Variants in HLA-F observed in about 807,000 individuals in gnomAD.
HLA-F encodes the protein HLA class I histocompatibility antigen, alpha chain F.
In HLA-F, 46 loss-of-function variants were observed where a neutral mutation model predicts 49.5. The observed-to-expected ratio is 0.93, with a 90% CI of 0.73 to 1.19. HLA-F has a LOEUF of 1.19. Ranked by LOEUF, HLA-F falls within the 50% of genes most tolerant of loss-of-function variation. The pLI is 0.00. For synonymous variants in HLA-F, 203 were observed against 233.5 expected, an observed-to-expected ratio of 0.87 and a Z score of 1.19; for missense variants, 496 against 579.6, an observed-to-expected ratio of 0.86 and a Z score of 1.48.
Position 29,723,530 on chromosome 6 carries a change from GAGTGCGGGGTCCA to G in HLA-F, c.64+4_64+16del, listed in dbSNP as rs772013222. ...GGCCCTGACCGATACTTGGGCGGGTGAGTGCGGGGTCCAGAGAGAAACGGCCTCTGTGGGGAGG... is the reference window on the plus strand; with the variant it reads ...GGCCCTGACCGATACTTGGGCGGGTGGAGAGAAACGGCCTCTGTGGGGAGG... On this transcript the variant is annotated splice_donor_5th_base_variant and intron_variant, in intron 1 of 6. Transcript: ENST00000259951. The G allele has an allele frequency of 1.9e-5, 30 of 1,611,744 alleles. No individual in the cohort carries two copies. Among genetic ancestry groups the G allele is most frequent in the Non-Finnish European group, 2.5e-5 (30 of 1,179,566 alleles).
intron 5 of HLA-F, among the ~76,000 whole-genome samples, 172 bp from the exon 6 acceptor site, chr6:29,725,839 G>A (rs980575280): frequency 5.3e-5 from 8 of 152,212 alleles, no homozygotes; most frequent in African/African-American, 1.7e-4. Flanking sequence ...GACCTCAGGA[G>A]GGCAGTTGGT....
chr6:29,728,310 C>G, downstream of HLA-F: 1 of 354,482 alleles, frequency 2.8e-6, no homozygotes, highest in Non-Finnish European at 5.6e-6. Context: ...TTCCCTGGAG[C>G]TCCATCTGTA....
rs1362463388 is a variant in HLA-F, at chr6:29,724,222, A to C, written c.384A>C (p.Gly128=). 1.2e-6 allele frequency: 2 copies of C among 1,612,874 alleles called. No homozygotes were observed. The highest frequency in any genetic ancestry group is 1.7e-6 in the Non-Finnish European group (2 of 1,179,962). Residue 128 remains glycine (G), a synonymous_variant, in exon 3 of 7, where the codon GGA becomes GGC. Transcript: ENST00000259951. ...ATGGCTGCGACATGGGGCCCGACGG[A>C]CGCCTCCTCCGCGGGTATCACCAGC... ...GMNGCDMGPD[G]RLLRGYHQHA...
At position 29,725,512 on chromosome 6, in the gene HLA-F, G is replaced by A. The variant is rs1279142592; in HGVS notation, c.952G>A (p.Val318Met). Residue 318 changes from valine to methionine, a missense_variant, in exon 5 of 7, where the codon GTG (valine) becomes ATG (methionine). Transcript: ENST00000259951. ...TGCTGGCCTTGTTGTCCTTGGAGCT[G>A]TGGTCACTGGAGCTGTGGTCGCTGC... ...IVAGLVVLGA[V>M]VTGAVVAAVM... 7 of 1,613,962 alleles carry A rather than the reference G, an allele frequency of 4.3e-6. No homozygotes were observed. In the African/African-American group the frequency reaches 5.3e-5, roughly 12 times the overall value.
rs1775893001 is a variant in HLA-F at position 29,725,195 on chromosome 6, G to A, written c.775G>A (p.Asp259Asn). Reference protein sequence around the residue: ...TELVETRPAGDGTFQKWAAVV... With the variant: ...TELVETRPAGNGTFQKWAAVV... ...GCTTGTGGAGACCAGGCCTGCAGGGGATGGAACCTTCCAGAAGTGGGCCGC... is the reference window on the plus strand; with the variant it reads ...GCTTGTGGAGACCAGGCCTGCAGGGAATGGAACCTTCCAGAAGTGGGCCGC... The change falls in exon 4 of 7, where the codon GAT becomes AAT. Residue 259 changes from aspartate (D) to asparagine (N), a missense_variant. Asp to Asn is a conservative substitution (Grantham distance 23, BLOSUM62 1). Coordinates refer to ENST00000259951, the MANE Select transcript of HLA-F (RefSeq NM_001098479.2). 6.2e-7 allele frequency: 1 copy of A among 1,614,162 alleles called. No homozygotes were observed. The highest frequency in any genetic ancestry group is 8.5e-7 in the Non-Finnish European group (1 of 1,180,038).
In HLA-F at chr6:29,725,266, G is replaced by A. The variant is rs1203095560; in HGVS notation, c.846G>A (p.Val282=). ...PGEEQRYTCH[V]QHEGLPQPLI... ...AGGAACAGAGATACACATGCCATGT[G>A]CAGCACGAGGGGCTGCCCCAGCCCC... Residue 282 remains valine, a synonymous_variant, in exon 4 of 7, where the codon GTG becomes GTA. Coordinates refer to ENST00000259951, the MANE Select transcript of HLA-F (RefSeq NM_001098479.2). The A allele has an allele frequency of 3.7e-6, 6 of 1,614,090 alleles. No homozygotes were observed. In the African/African-American group the frequency reaches 5.3e-5, roughly 14 times the overall value.
At chr6:29,724,866 A>G (rs1275717022) in intron 3 of HLA-F, among the ~76,000 whole-genome samples, 165 bp from the exon 4 acceptor site, 1 of 152,118 alleles carries the variant, frequency 6.6e-6, no homozygotes, top group Non-Finnish European at 1.5e-5. Context: ...CTAACTTTCC[A>G]AGGAATAGGA....
At chr6:29,727,780 A>G (rs1242399684), downstream of HLA-F, among the ~76,000 whole-genome samples, 1 of 152,078 alleles carries the variant, frequency 6.6e-6, no homozygotes, top group Non-Finnish European at 1.5e-5. Context: ...ATATTCTGGC[A>G]ATAGGAGGTT....
chr6:29,724,479 TC>T lies in HLA-F; in HGVS notation c.610+33del, dbSNP rs751572917. 3 of 1,605,358 alleles carry T rather than the reference TC, an allele frequency of 1.9e-6. No individual in the cohort carries two copies. In the South Asian group the frequency reaches 3.3e-5, roughly 18 times the overall value. On this transcript the variant is annotated intron_variant, in intron 3 of 6. Transcript: ENST00000259951. The stretch of plus-strand genomic sequence containing the variant: ...AGGGGCCATGGGCGCCTTCCCTATC[TC>T]CTGTAGATCTCTTGGGATGGCCTCG...
At chr6:29,730,416 A>C (rs1400467915), downstream of HLA-F, among the ~76,000 whole-genome samples, 1 of 152,166 alleles carries the variant, frequency 6.6e-6, no homozygotes, top group East Asian at 1.9e-4. Flanking sequence ...GCTTTGGTTT[A>C]ATGGGTCCAG....
At position 29,726,975 on chromosome 6, in the gene HLA-F, C is replaced by A. The variant is rs764703767; in HGVS notation, c.1129C>A (p.Arg377=). 1 of 1,612,972 alleles carries A rather than the reference C, an allele frequency of 6.2e-7. No homozygotes were observed. The highest frequency in any genetic ancestry group is 8.5e-7 in the Non-Finnish European group (1 of 1,180,026). The change falls in exon 7 of 7, where the codon CGG becomes AGG. Residue 377 remains arginine, a synonymous_variant. Transcript: ENST00000259951. ...CTTCCAAGGATATTTGGGCTGCCTC[C>A]GGAGTCACAGTGTCTTGGGCCGCCG... ...VLFQGYLGCL[R]SHSVLGRRKV... is the part of the protein sequence containing the mutation.
In HLA-F at chr6:29,724,119, G is replaced by A. The variant is rs763031971; in HGVS notation, c.335-54G>A. 12 of 1,599,960 alleles carry A rather than the reference G, an allele frequency of 7.5e-6. No individual in the cohort carries two copies. The Admixed American group carries it at 2.1e-4, about 27-fold the overall frequency. On this transcript the variant is annotated intron_variant, in intron 2 of 6. Coordinates refer to ENST00000259951, the MANE Select transcript of HLA-F (RefSeq NM_001098479.2). ...GTTTAGGCCAAAATCCCCGCGGGTT[G>A]GGCGGGGAGGGGGCGGGGCTAGCTG... is the stretch of plus-strand genomic sequence containing the variant.
Position 29,723,724 on chromosome 6 carries a change from T to TCCC in HLA-F, c.132_133insCCC (p.Ile44_Ala45insPro), listed in dbSNP as rs1775635433. ...CCCGGCCGCGGGGAGCCCCGCTACA[T>TCCC]CGCCGTGGAGTACGTAGACGACACG... is the stretch of plus-strand genomic sequence containing the variant. On this transcript the variant is annotated inframe_insertion, in exon 2 of 7. Transcript: ENST00000259951. The TCCC allele has an allele frequency of 6.2e-7, 1 of 1,611,894 alleles. No homozygotes were observed. Among genetic ancestry groups the TCCC allele is most frequent in the Non-Finnish European group, 8.5e-7 (1 of 1,179,878 alleles).
intron 6 of HLA-F, 35 bp from the exon 7 acceptor site, chr6:29,726,846 AAC>A (rs1392951635): frequency 6.3e-7 from 1 of 1,597,848 alleles, no homozygotes; most frequent in Non-Finnish European, 8.5e-7. Flanking sequence ...ATCCACAGTG[AAC>A]ACAAGTAGGC....
downstream of HLA-F, chr6:29,728,132 G>T (rs1434781978): frequency 1.9e-6 from 1 of 514,172 alleles, no homozygotes; most frequent in Non-Finnish European, 3.9e-6. Flanking sequence ...ATCCTGCAGT[G>T]CACAAGTCAG....
downstream of HLA-F, chr6:29,727,868 G>GC (rs1425118948): frequency 4.2e-6 from 2 of 481,160 alleles, no homozygotes; most frequent in Non-Finnish European, 8.3e-6. Flanking sequence ...CAACCATCAG[G>GC]CCAGGCCCCT....
chr6:29,730,471 G>A (rs1776474828), downstream of HLA-F, among the ~76,000 whole-genome samples: 1 of 152,142 alleles, frequency 6.6e-6, no homozygotes, highest in South Asian at 2.1e-4. Context: ...CATATTGGTG[G>A]TGGTTACACA....
At chr6:29,729,263 A>G (rs1776367692), downstream of HLA-F, 1 of 152,172 alleles carries the variant, frequency 6.6e-6, no homozygotes, top group Non-Finnish European at 1.5e-5. Context: ...ATTCATATGT[A>G]TTCATTTCTT....
rs371264000 is a variant in HLA-F, at chr6:29,734,304, G to A, written c.404-3818G>A. On this transcript the variant is annotated intron_variant, in intron 3 of 4. Transcript: ENST00000465459. ...GCATACAAAAATTATATACTCACTG[G>A]TAAGCAGGATCCTTTTTAGGAAAGC... Among the ~76,000 whole-genome samples, 29 of 152,272 alleles carry A rather than the reference G, an allele frequency of 1.9e-4. 1 individual carries two copies. In the East Asian group the frequency reaches 2.5e-3, roughly 13 times the overall value.
Sources: gnomAD v4.1 joint callset for allele counts (sites outside exome capture counted in the v4.1 genomes callset) on GRCh38, gnomAD v4.1.1 for gene constraint, MANE v1.5 for transcripts, NCBI Gene and HGNC (gene_info 2026-07-23, HGNC 2026-07-21) for gene names.